The following DSE variants were observed in gnomAD, a reference collection of about 807,000 sequenced individuals.
DSE encodes dermatan-sulfate epimerase.
A neutral mutation model predicts 84.4 loss-of-function variants in DSE; 36 were observed. The ratio of observed to expected loss-of-function variants is 0.43; its 90% CI spans 0.33 to 0.56. The LOEUF is 0.56. Ranked by LOEUF, DSE falls within the 20% of genes least tolerant of loss-of-function variation. The probability of loss-of-function intolerance (pLI) is 0.06; values close to 1 mark genes in which losing one functional copy is unlikely to be tolerated. For synonymous variants in DSE, 410 were observed against 430.1 expected (o/e 0.95, Z 0.58); for missense variants, 862 against 1,169.6 (o/e 0.74, Z 3.84).
intron 2 of DSE, among the ~76,000 whole-genome samples, chr6:116,282,787 G>C (rs1380610742): frequency 6.6e-6 from 1 of 152,134 alleles, no homozygotes; most frequent in Admixed American, 6.5e-5. Context: ...GGTCAGTAAA[G>C]GGCAAGGATT....
Position 116,399,573 on chromosome 6 carries a change from C to T in DSE, c.323C>T (p.Ala108Val). 2 of 1,614,236 alleles carry T rather than the reference C, an allele frequency of 1.2e-6. No individual in the cohort carries two copies. Among genetic ancestry groups the T allele is most frequent in the South Asian group, 1.1e-5 (1 of 91,084 alleles). The part of the protein sequence containing the change: ...WNEIFGNNLG[A>V]LAMFCVLYPE... Reference sequence around the variant, plus strand: ...GAAATTTTTGGAAACAACTTGGGTGCCTTGGCAATGTTCTGTGTGCTGTAT... The same window carrying T: ...GAAATTTTTGGAAACAACTTGGGTGTCTTGGCAATGTTCTGTGTGCTGTAT... The change falls in exon 2 of 6, where the codon GCC becomes GTC. Residue 108 changes from alanine to valine, a missense_variant. Around this residue, in one of 4 missense-constraint regions of DSE, gnomAD observed 309 missense variants for 516.9 expected, o/e 0.60. Transcript: ENST00000644252.
chr6:116,423,650 C>T (rs1467163618), intron 2 of DSE, among the ~76,000 whole-genome samples: 4 of 152,174 alleles, frequency 2.6e-5, no homozygotes, highest in African/African-American at 9.7e-5. Context: ...TATTACTGGT[C>T]AGGATCACAT....
intron 2 of DSE, among the ~76,000 whole-genome samples, chr6:116,341,045 A>G (rs1777560140): frequency 6.6e-6 from 1 of 152,182 alleles, no homozygotes; most frequent in African/African-American, 2.4e-5. Flanking sequence ...CTAGTTCTAG[A>G]TCCTTGAGGA....
intron 2 of DSE, among the ~76,000 whole-genome samples, chr6:116,261,732 G>A (rs1041934321): frequency 1.2e-4 from 19 of 152,076 alleles, no homozygotes; most frequent in African/African-American, 4.3e-4. Context: ...GTTGGCTGTG[G>A]GTTTGTCATA....
intron 2 of DSE, among the ~76,000 whole-genome samples, chr6:116,301,683 C>T (rs1436687272): frequency 6.6e-5 from 10 of 152,168 alleles, no homozygotes; most frequent in East Asian, 1.9e-4. Context: ...ATGTGCAGAA[C>T]GTGCAGGTTT....
intron 2 of DSE, among the ~76,000 whole-genome samples, chr6:116,352,456 A>C (rs544493965): frequency 7.9e-5 from 12 of 152,318 alleles, no homozygotes; most frequent in African/African-American, 2.9e-4. Context: ...GAATTTGCAT[A>C]GGTTATTGAT....
chr6:116,410,444 A>C (rs904903714), intron 2 of DSE, among the ~76,000 whole-genome samples: 2 of 152,118 alleles, frequency 1.3e-5, no homozygotes, highest in Non-Finnish European at 2.9e-5. Flanking sequence ...CTTCAAAAAA[A>C]ATCTACAGGC....
intron 2 of DSE, among the ~76,000 whole-genome samples, chr6:116,336,055 A>G (rs958046563): frequency 6.6e-6 from 1 of 152,232 alleles, no homozygotes; most frequent in African/African-American, 2.4e-5. Flanking sequence ...TCTCTTTCAG[A>G]ATTATGTTCA....
chr6:116,436,644 G>T lies in DSE; in HGVS notation c.2176G>T (p.Ala726Ser). Reference protein sequence around the residue: ...RHKILFDRNSAIKSSIVPEVK... With the variant: ...RHKILFDRNSSIKSSIVPEVK... ...CAAAATTCTGTTTGACCGGAATTCA[G>T]CCATCAAGAGCAGCATTGTCCCTGA... The change falls in exon 6 of 6, where the codon GCC (alanine) becomes TCC (serine). Residue 726 changes from alanine (A) to serine (S), a missense_variant. Coordinates refer to ENST00000644252, the MANE Select transcript of DSE (RefSeq NM_013352.4). 6.2e-7 allele frequency: 1 copy of T among 1,614,174 alleles called. No individual in the cohort carries two copies. Among genetic ancestry groups the T allele is most frequent in the Non-Finnish European group, 8.5e-7 (1 of 1,180,026 alleles).
In DSE at chr6:116,355,338, A is replaced by G. The variant is rs79898405; in HGVS notation, c.-53-43860A>G. On this transcript the variant is annotated intron_variant, in intron 2 of 3. Transcript: ENST00000430252. ...CTTCCTCAAACCTTCACATTCTTCTAATTTGAGCACTTCAGGTATGACCAG... is the reference window on the plus strand; with the variant it reads ...CTTCCTCAAACCTTCACATTCTTCTGATTTGAGCACTTCAGGTATGACCAG... Among the ~76,000 whole-genome samples the G allele has an allele frequency of 5.6e-3, 860 of 152,300 alleles. 10 individuals carry two copies. Among genetic ancestry groups the G allele is most frequent in the African/African-American group, 0.02 (820 of 41,566 alleles).
rs970161951 is a variant in DSE at position 116,371,119 on chromosome 6, G to T, written c.-56G>T. ...GGAGAGAACGAAGCCTCGGCTGGGA[G>T]CGGTAAGTGGAGGGGCGCGCAAGGG... is the stretch of plus-strand genomic sequence containing the variant. On this transcript the variant is annotated splice_region_variant and 5_prime_UTR_variant, in exon 1 of 6. Transcript: ENST00000644252. The T allele has an allele frequency of 1.8e-5, 18 of 986,236 alleles. No individual in the cohort carries two copies. The highest frequency in any genetic ancestry group is 1.0e-3 in the Middle Eastern group (2 of 1,916). The allele number at this position is 986,236 out of a possible 1,614,324, so 61.1% of individuals were successfully genotyped here. A position where few individuals can be genotyped will look rare whatever the true frequency, so the allele number is the denominator to read the frequency against.
rs550713719 is a variant in DSE at position 116,398,812 on chromosome 6, C to A, written c.-53-386C>A. 1.3e-5 allele frequency among the ~76,000 whole-genome samples: 2 copies of A among 152,204 alleles called. 1 individual carries two copies. Among genetic ancestry groups the A allele is most frequent in the South Asian group, 4.2e-4 (2 of 4,818 alleles). On this transcript the variant is annotated intron_variant, in intron 1 of 5. Transcript: ENST00000644252. ...TTTTTTGTAATGTCTACTCAGATTC[C>A]CAGATGATTGTTCATTACCAGCTTT...
At chr6:116,378,488 T>C (rs1205514634) in intron 1 of DSE, among the ~76,000 whole-genome samples, 1 of 152,206 alleles carries the variant, frequency 6.6e-6, no homozygotes, top group Non-Finnish European at 1.5e-5. Flanking sequence ...TATTGACTGG[T>C]TAAATATTGA....
At chr6:116,323,888 C>T (rs72958062) in intron 2 of DSE, among the ~76,000 whole-genome samples, 2,088 of 152,284 alleles carry the variant, frequency 0.014, 14 homozygotes, top group Non-Finnish European at 0.023. Flanking sequence ...TATCTTCCCT[C>T]CACTTCTACC....
rs1783400016 is a variant in DSE, at chr6:116,425,696, C to T, written c.417-878C>T. Among the ~76,000 whole-genome samples the T allele has an allele frequency of 4.0e-5, 6 of 148,398 alleles. No individual in the cohort carries two copies. In the Admixed American group the frequency reaches 4.1e-4, roughly 10 times the overall value. ...GGAGTGCAGTGGCGCGATCTCGGCT[C>T]ACTGCAAGCTCCGCCTCCCAGGTTC... On this transcript the variant is annotated intron_variant, in intron 2 of 5. Transcript: ENST00000644252.
intron 5 of DSE, 33 bp downstream of exon 5, chr6:116,433,583 T>C: frequency 6.3e-7 from 1 of 1,580,458 alleles, no homozygotes; most frequent in Non-Finnish European, 8.6e-7. Flanking sequence ...TAAAGAGAAA[T>C]GGTACCCAAG....
intron 2 of DSE, among the ~76,000 whole-genome samples, chr6:116,425,270 A>T (rs1783358865): frequency 6.6e-6 from 1 of 152,214 alleles, no homozygotes; most frequent in Admixed American, 6.5e-5. Flanking sequence ...GAATTTTAAA[A>T]CATTTTGAGA....
chr6:116,341,568 A>G (rs1055343157), intron 2 of DSE, among the ~76,000 whole-genome samples: 1 of 152,236 alleles, frequency 6.6e-6, no homozygotes, highest in African/African-American at 2.4e-5. Context: ...GTCCTTGCCC[A>G]TGCCTGTGTC....
At chr6:116,380,222 GAGTA>G (rs1780142432) in intron 1 of DSE, among the ~76,000 whole-genome samples, 1 of 152,096 alleles carries the variant, frequency 6.6e-6, no homozygotes, top group Non-Finnish European at 1.5e-5. Flanking sequence ...TTTAGTCATT[GAGTA>G]AGTATTTGCC....
Sources: allele counts gnomAD v4.1 joint callset (sites outside exome capture counted in the v4.1 genomes callset), GRCh38; gene constraint gnomAD v4.1.1; regional missense constraint gnomAD v4.1.1; transcripts MANE v1.5; gene names NCBI Gene and HGNC (gene_info 2026-07-23, HGNC 2026-07-21).